Variants in MSRA observed in about 807,000 individuals in gnomAD.
MSRA encodes the protein mitochondrial peptide methionine sulfoxide reductase.
A neutral mutation model predicts 31.3 loss-of-function variants in MSRA; 54 were observed. The observed-to-expected ratio is 1.73, with a 90% CI of 1.39 to 2.17. The LOEUF is 2.17. Among genes scored for constraint, MSRA ranks in the 30% most tolerant of loss-of-function variants. MSRA has a pLI of 0.00. For missense variants in MSRA, 507 were observed against 300.9 expected, an observed-to-expected ratio of 1.69 and a Z score of -5.07; for synonymous variants, 169 against 116.5, an observed-to-expected ratio of 1.45 and a Z score of -2.90.
chr8:10,422,343 C>T (rs996844174), intron 5 of MSRA, among the ~76,000 whole-genome samples: 6 of 152,150 alleles, frequency 3.9e-5, no homozygotes, highest in Admixed American at 6.5e-5. Flanking sequence ...CTGCATTCCT[C>T]GTCCTAGCAC....
intron 5 of MSRA, among the ~76,000 whole-genome samples, chr8:10,388,793 T>C (rs2129178255): frequency 6.6e-6 from 1 of 151,996 alleles, no homozygotes; most frequent in South Asian, 2.1e-4. Context: ...GTTCTACGCA[T>C]GATGGGATGT....
chr8:10,265,914 C>A (rs941828900), intron 3 of MSRA, among the ~76,000 whole-genome samples: 5 of 152,188 alleles, frequency 3.3e-5, no homozygotes, highest in African/African-American at 1.2e-4. Flanking sequence ...TGAGATGCAT[C>A]CATGTTCTCG....
chr8:10,223,886 G>C (rs571919163), intron 2 of MSRA, among the ~76,000 whole-genome samples: 1 of 152,076 alleles, frequency 6.6e-6, no homozygotes, highest in Middle Eastern at 3.2e-3. Context: ...TCCCCACTCC[G>C]AATTCCTTTT....
At chr8:10,189,327 G>T (rs952837065) in intron 1 of MSRA, among the ~76,000 whole-genome samples, 17 of 151,916 alleles carry the variant, frequency 1.1e-4, no homozygotes, top group African/African-American at 4.1e-4. Flanking sequence ...ATTTTTGTAC[G>T]ATTTTTATTT....
At chr8:10,195,494 G>C (rs1284344499) in intron 1 of MSRA, among the ~76,000 whole-genome samples, 3 of 152,134 alleles carry the variant, frequency 2.0e-5, no homozygotes, top group Non-Finnish European at 4.4e-5. Context: ...GCCTACCTTG[G>C]CCTCCCCAAG....
intron 1 of MSRA, among the ~76,000 whole-genome samples, chr8:10,101,580 T>G (rs939222599): frequency 1.3e-5 from 2 of 152,306 alleles, no homozygotes; most frequent in South Asian, 2.1e-4. Flanking sequence ...TTGATTCTGT[T>G]TTCTGTCTCT....
intron 5 of MSRA, among the ~76,000 whole-genome samples, chr8:10,334,876 C>G (rs1451101041): frequency 2.0e-5 from 3 of 152,258 alleles, no homozygotes; most frequent in Non-Finnish European, 2.9e-5. Flanking sequence ...TGGCCGCTCC[C>G]GTCTGCCCCG....
chr8:10,118,445 C>G (rs767331688), intron 1 of MSRA, among the ~76,000 whole-genome samples: 1 of 152,096 alleles, frequency 6.6e-6, no homozygotes, highest in African/African-American at 2.4e-5. Flanking sequence ...GCTTTATAAC[C>G]TCCCTGAGGA....
At chr8:10,192,264 C>T (rs1038459832) in intron 1 of MSRA, among the ~76,000 whole-genome samples, 3 of 152,212 alleles carry the variant, frequency 2.0e-5, no homozygotes. Context: ...GGATTAAGCT[C>T]CACTTCTTGA....
chr8:10,387,360 T>C (rs1456078367), intron 5 of MSRA, among the ~76,000 whole-genome samples: 1 of 151,960 alleles, frequency 6.6e-6, no homozygotes, highest in Non-Finnish European at 1.5e-5. Context: ...TCTGCTGAAA[T>C]AAACTGAACA....
intron 5 of MSRA, among the ~76,000 whole-genome samples, chr8:10,323,477 C>T (rs1050840099): frequency 2.0e-5 from 3 of 152,146 alleles, no homozygotes; most frequent in Admixed American, 6.5e-5. Flanking sequence ...CCAGTGCCTT[C>T]CGTGTGATGG....
At chr8:10,152,379 GA>G (rs1234621114) in intron 1 of MSRA, among the ~76,000 whole-genome samples, 2 of 152,160 alleles carry the variant, frequency 1.3e-5, no homozygotes, top group Non-Finnish European at 2.9e-5. Context: ...GTGTAATAAA[GA>G]GGTATTTTTA....
At chr8:10,129,667 G>A (rs994354628) in intron 1 of MSRA, among the ~76,000 whole-genome samples, 2 of 152,116 alleles carry the variant, frequency 1.3e-5, no homozygotes, top group Non-Finnish European at 2.9e-5. Context: ...TGTTCTTACA[G>A]GCTTAGGTTT....
At chr8:10,140,634 T>C (rs1293836522) in intron 1 of MSRA, among the ~76,000 whole-genome samples, 3 of 152,152 alleles carry the variant, frequency 2.0e-5, no homozygotes, top group Non-Finnish European at 4.4e-5. Flanking sequence ...TTTCTCTATT[T>C]TATAATTTGG....
At chr8:10,099,525 A>G (rs1271761932) in intron 1 of MSRA, among the ~76,000 whole-genome samples, 1 of 152,252 alleles carries the variant, frequency 6.6e-6, no homozygotes, top group Non-Finnish European at 1.5e-5. Flanking sequence ...TGCTGGGCGC[A>G]GGGACTGGTA....
intron 5 of MSRA, among the ~76,000 whole-genome samples, chr8:10,391,871 C>T (rs139645115): frequency 1.4e-4 from 21 of 152,322 alleles, no homozygotes; most frequent in African/African-American, 4.6e-4. Context: ...TTCCTAGGGA[C>T]GTTTCTTCAT....
chr8:10,066,929 A>T (rs1243772190), intron 1 of MSRA, among the ~76,000 whole-genome samples: 7 of 151,294 alleles, frequency 4.6e-5, no homozygotes, highest in African/African-American at 1.7e-4. Flanking sequence ...AGTGGAAAGT[A>T]CAGAGTTCCC....
chr8:10,088,719 G>C (rs1798696170), intron 1 of MSRA, among the ~76,000 whole-genome samples: 1 of 151,980 alleles, frequency 6.6e-6, no homozygotes, highest in African/African-American at 2.4e-5. Context: ...CTGGGCACCA[G>C]AGTGAGACTT....
intron 2 of MSRA, among the ~76,000 whole-genome samples, chr8:10,210,736 CAT>C (rs1491545043): frequency 6.2e-5 from 9 of 145,988 alleles, no homozygotes; most frequent in African/African-American, 2.2e-4. Flanking sequence ...ATTATAATGT[CAT>C]TTTTTTTTTT....
Sources: allele counts gnomAD v4.1 joint callset (sites outside exome capture counted in the v4.1 genomes callset), GRCh38; gene constraint gnomAD v4.1.1; transcripts MANE v1.5; gene names NCBI Gene and HGNC (gene_info 2026-07-23, HGNC 2026-07-21).